Variants in DSCAM observed in about 807,000 individuals in gnomAD.
The protein encoded by DSCAM is DS cell adhesion molecule.
A neutral mutation model predicts 217.7 loss-of-function variants in DSCAM; 47 were observed. The observed-to-expected ratio is 0.22, with a 90% CI of 0.17 to 0.28. The LOEUF is 0.28. DSCAM is among the 10% of genes least tolerant of loss of function. The pLI is 1.00. For synonymous variants in DSCAM, 1,056 were observed against 1,015.3 expected (o/e 1.04, Z -0.76); for missense variants, 2,080 against 2,618.3 (o/e 0.79, Z 4.49).
intron 10 of DSCAM, among the ~76,000 whole-genome samples, chr21:40,281,340 C>T (rs1354729469): frequency 2.0e-5 from 3 of 152,126 alleles, no homozygotes; most frequent in Admixed American, 6.5e-5. Flanking sequence ...TGCTTTCTAA[C>T]ATTCTCTTTT....
intron 10 of DSCAM, among the ~76,000 whole-genome samples, chr21:40,284,481 A>G (rs1294374601): frequency 6.6e-6 from 1 of 152,206 alleles, no homozygotes; most frequent in East Asian, 1.9e-4. Flanking sequence ...TGGCTTTGTT[A>G]CTAGATTCTG....
chr21:40,295,109 A>T (rs2073939564), intron 10 of DSCAM, among the ~76,000 whole-genome samples: 1 of 152,174 alleles, frequency 6.6e-6, no homozygotes, highest in African/African-American at 2.4e-5. Flanking sequence ...TCTAGAGTAT[A>T]AATGATGATT....
chr21:40,654,628 T>C (rs1268309773), intron 3 of DSCAM, among the ~76,000 whole-genome samples: 1 of 152,194 alleles, frequency 6.6e-6, no homozygotes, highest in Non-Finnish European at 1.5e-5. Flanking sequence ...TTTCCAGCTC[T>C]TAGAGGCCAT....
intron 3 of DSCAM, among the ~76,000 whole-genome samples, chr21:40,444,481 C>T (rs140008848): frequency 4.7e-4 from 71 of 152,254 alleles, no homozygotes; most frequent in African/African-American, 1.5e-3. Context: ...CAACCTAAAC[C>T]GGTTGAGCAT....
intron 20 of DSCAM, among the ~76,000 whole-genome samples, chr21:40,113,855 G>T (rs1178474793): frequency 6.6e-6 from 1 of 152,016 alleles, no homozygotes; most frequent in Non-Finnish European, 1.5e-5. Flanking sequence ...CAACTTACAA[G>T]GGATGTGAAG....
chr21:40,720,538 G>A (rs1192827525), intron 1 of DSCAM, among the ~76,000 whole-genome samples: 1 of 152,088 alleles, frequency 6.6e-6, no homozygotes, highest in East Asian at 1.9e-4. Context: ...CTACTCCCAA[G>A]CTGTGAAATG....
chr21:40,486,809 C>T (rs2076032246), intron 3 of DSCAM, among the ~76,000 whole-genome samples: 1 of 152,174 alleles, frequency 6.6e-6, no homozygotes, highest in Non-Finnish European at 1.5e-5. Flanking sequence ...CAACATCTGT[C>T]ATCAAACAGA....
At chr21:40,072,555 A>C (rs538065056) in intron 27 of DSCAM, among the ~76,000 whole-genome samples, 20 of 151,864 alleles carry the variant, frequency 1.3e-4, no homozygotes, top group Non-Finnish European at 2.2e-4. Flanking sequence ...TCACCATGTT[A>C]GCCAGGATGG....
chr21:40,766,141 G>C (rs1234264005), intron 1 of DSCAM, among the ~76,000 whole-genome samples: 2 of 152,186 alleles, frequency 1.3e-5, no homozygotes, highest in African/African-American at 4.8e-5. Flanking sequence ...ACTAGCAAAA[G>C]GGGTTGGGGG....
At chr21:40,154,084 A>C (rs2090451312) in intron 16 of DSCAM, among the ~76,000 whole-genome samples, 1 of 152,066 alleles carries the variant, frequency 6.6e-6, no homozygotes, top group African/African-American at 2.4e-5. Flanking sequence ...TGGACAATGG[A>C]TTTTGAGGGG....
intron 4 of DSCAM, among the ~76,000 whole-genome samples, chr21:40,367,906 A>AT (rs1225970798): frequency 6.6e-6 from 1 of 152,222 alleles, no homozygotes; most frequent in African/African-American, 2.4e-5. Flanking sequence ...ACTTCTGTCC[A>AT]TTTTTGAAAC....
intron 1 of DSCAM, among the ~76,000 whole-genome samples, chr21:40,759,489 G>A (rs2146580128): frequency 6.6e-6 from 1 of 152,298 alleles, no homozygotes; most frequent in East Asian, 1.9e-4. Context: ...TTCTGATCAT[G>A]GATAAATACC....
chr21:40,737,123 T>A, intron 1 of DSCAM, among the ~76,000 whole-genome samples: 1 of 152,190 alleles, frequency 6.6e-6, no homozygotes, highest in Admixed American at 6.5e-5. Context: ...ATATTTTCCT[T>A]TATTCTAATT....
intron 20 of DSCAM, among the ~76,000 whole-genome samples, chr21:40,095,255 T>C (rs747069154): frequency 6.6e-6 from 1 of 152,086 alleles, no homozygotes; most frequent in Non-Finnish European, 1.5e-5. Context: ...GATTCAATTA[T>C]CTCCCACCAG....
At chr21:40,469,914 T>G (rs1012431334) in intron 3 of DSCAM, among the ~76,000 whole-genome samples, 9 of 152,198 alleles carry the variant, frequency 5.9e-5, no homozygotes, top group African/African-American at 2.2e-4. Flanking sequence ...AAAAGTGCTG[T>G]AATAGGTTCA....
At chr21:40,293,241 C>T (rs972836847) in intron 10 of DSCAM, among the ~76,000 whole-genome samples, 5 of 152,100 alleles carry the variant, frequency 3.3e-5, no homozygotes, top group African/African-American at 9.7e-5. Flanking sequence ...CAAAATTGAT[C>T]TGTGATGCAC....
At chr21:40,094,617 A>T (rs980070937) in intron 20 of DSCAM, among the ~76,000 whole-genome samples, 2 of 152,184 alleles carry the variant, frequency 1.3e-5, no homozygotes, top group Non-Finnish European at 2.9e-5. Flanking sequence ...CAGGGATGGG[A>T]GTAGTGGCTG....
At chr21:40,623,238 GAAAA>G (rs5844027) in intron 3 of DSCAM, among the ~76,000 whole-genome samples, 3 of 149,848 alleles carry the variant, frequency 2.0e-5, no homozygotes, top group African/African-American at 7.3e-5. Flanking sequence ...AAGCTATTCA[GAAAA>G]AAAAAAACAC....
At chr21:40,095,965 C>T (rs999620147) in intron 20 of DSCAM, among the ~76,000 whole-genome samples, 5 of 152,142 alleles carry the variant, frequency 3.3e-5, no homozygotes, top group Middle Eastern at 3.4e-3. Flanking sequence ...GTAGATATTG[C>T]AGAAAAACTG....
Sources: allele counts gnomAD v4.1 joint callset (sites outside exome capture counted in the v4.1 genomes callset), GRCh38; gene constraint gnomAD v4.1.1; transcripts MANE v1.5; gene names NCBI Gene and HGNC (gene_info 2026-07-23, HGNC 2026-07-21).